ERMP1: variants seen among roughly 807,000 people sequenced by gnomAD.
ERMP1 encodes the protein Felix-ina.
A neutral mutation model predicts 92.0 loss-of-function variants in ERMP1; 86 were observed. The observed-to-expected ratio is 0.93, with a 90% CI of 0.79 to 1.12. The LOEUF is 1.12. Among genes scored for constraint, ERMP1 ranks in the 50% most tolerant of loss-of-function variants. The pLI is 0.00. For synonymous variants in ERMP1, 530 were observed against 412.8 expected, an observed-to-expected ratio of 1.28 and a Z score of -3.44; for missense variants, 1,342 against 1,116.3, an observed-to-expected ratio of 1.20 and a Z score of -2.88.
At chr9:5,795,952 C>T (rs1268260887) in intron 13 of ERMP1, among the ~76,000 whole-genome samples, 1 of 152,024 alleles carries the variant, frequency 6.6e-6, no homozygotes, top group Non-Finnish European at 1.5e-5. Flanking sequence ...TGAACAATAC[C>T]ATTTATTAAT....
At chr9:5,791,643 G>A (rs991993361) in intron 13 of ERMP1, among the ~76,000 whole-genome samples, 1 of 151,508 alleles carries the variant, frequency 6.6e-6, no homozygotes. Context: ...ACTCTTTACA[G>A]CTTTTGAAGA....
intron 6 of ERMP1, among the ~76,000 whole-genome samples, chr9:5,845,929 G>GGA (rs1830228979): frequency 6.6e-6 from 1 of 152,188 alleles, no homozygotes. Context: ...TTTGGGTCAG[G>GGA]GAGAAGGGCA....
At chr9:5,803,423 G>C (rs563861561) in intron 10 of ERMP1, among the ~76,000 whole-genome samples, 1 of 152,284 alleles carries the variant, frequency 6.6e-6, no homozygotes, top group East Asian at 1.9e-4. Context: ...TGGTTTCCAA[G>C]ATTTCCATGC....
At chr9:5,819,077 A>C (rs956473029) in intron 4 of ERMP1, among the ~76,000 whole-genome samples, 2 of 152,230 alleles carry the variant, frequency 1.3e-5, no homozygotes, top group Admixed American at 6.5e-5. Flanking sequence ...TAGGTATCTA[A>C]AAGAAATGAA....
At chr9:5,826,039 G>GC in intron 2 of ERMP1, among the ~76,000 whole-genome samples, 1 of 152,270 alleles carries the variant, frequency 6.6e-6, no homozygotes, top group South Asian at 2.1e-4. Flanking sequence ...GCCCTTATCT[G>GC]CCAGCAACAC....
At chr9:5,802,008 C>T (rs543840868) in intron 10 of ERMP1, among the ~76,000 whole-genome samples, 8 of 152,314 alleles carry the variant, frequency 5.3e-5, no homozygotes, top group South Asian at 2.1e-4. Flanking sequence ...AGGACACACA[C>T]GACTCACAGA....
chr9:5,796,828 C>G (rs1828443122), intron 13 of ERMP1, among the ~76,000 whole-genome samples: 1 of 152,022 alleles, frequency 6.6e-6, no homozygotes, highest in African/African-American at 2.4e-5. Context: ...TTTTTCAATA[C>G]CCATAGAACT....
chr9:5,786,992 G>T lies in ERMP1; in HGVS notation c.*152C>A. ...TGCGCCACAGCTAAACCCTTATAGT[G>T]CTTGGCCCTGAAAAGCGTTAACCCA... is the stretch of plus-strand genomic sequence containing the variant. On this transcript the variant is annotated 3_prime_UTR_variant, in exon 15 of 15. Coordinates refer to ENST00000339450, the MANE Select transcript of ERMP1 (RefSeq NM_024896.3). 1 of 722,026 alleles carries T rather than the reference G, an allele frequency of 1.4e-6. No homozygotes were observed. Among genetic ancestry groups the T allele is most frequent in the Middle Eastern group, 4.2e-4 (1 of 2,370 alleles). 44.7% of individuals were successfully genotyped at this position (722,026 alleles called of 1,614,324 possible). A position where few individuals can be genotyped will look rare whatever the true frequency, so the allele number is the denominator to read the frequency against.
chr9:5,789,863 T>C (rs78970552), intron 13 of ERMP1, among the ~76,000 whole-genome samples: 258 of 151,596 alleles, frequency 1.7e-3, no homozygotes, highest in Non-Finnish European at 2.9e-3. Flanking sequence ...TTTTTTTTTT[T>C]GGTAGAGATG....
intron 13 of ERMP1, among the ~76,000 whole-genome samples, chr9:5,788,945 AAC>A (rs1828056352): frequency 6.6e-6 from 1 of 152,202 alleles, no homozygotes; most frequent in Non-Finnish European, 1.5e-5. Flanking sequence ...AAAATTTAAT[AAC>A]AGTCATAAAG....
chr9:5,802,447 C>T (rs1167471239), intron 10 of ERMP1, among the ~76,000 whole-genome samples: 1 of 152,142 alleles, frequency 6.6e-6, no homozygotes, highest in Non-Finnish European at 1.5e-5. Flanking sequence ...TGCAGAGGCA[C>T]GATCTCAGCT....
At position 5,830,724 on chromosome 9, in the gene ERMP1, T is replaced by C. The variant is rs1829906488; in HGVS notation, c.640+3A>G. On this transcript the variant is annotated splice_donor_region_variant and intron_variant, in intron 2 of 14. Transcript: ENST00000339450. Reference sequence around the variant, plus strand: ...TCCAAATGACTAAAAAACAGGTACATACCTGGTGAGTTTGCTACTGAGTCA... The same window carrying C: ...TCCAAATGACTAAAAAACAGGTACACACCTGGTGAGTTTGCTACTGAGTCA... 1.2e-6 allele frequency: 2 copies of C among 1,609,014 alleles called. No homozygotes were observed. The highest frequency in any genetic ancestry group is 2.7e-5 in the African/African-American group (2 of 74,776).
At chr9:5,812,554 A>G (rs529213803) in intron 5 of ERMP1, among the ~76,000 whole-genome samples, 3 of 152,322 alleles carry the variant, frequency 2.0e-5, no homozygotes, top group South Asian at 4.1e-4. Flanking sequence ...TTAACTTCAA[A>G]TAAGTTGTAC....
chr9:5,842,334 G>A lies in ERMP1; in HGVS notation n.3200-9022C>T, dbSNP rs1164378129. Among the ~76,000 whole-genome samples, 4 of 149,436 alleles carry A rather than the reference G, an allele frequency of 2.7e-5. No homozygotes were observed. The East Asian group carries it at 6.0e-4, about 22-fold the overall frequency. ...TGGTGTGTTTACAATCCTTTAGCTA[G>A]ACAGAGAAGTTCTCCAAGTCCCCAC... On this transcript the variant is annotated intron_variant and non_coding_transcript_variant, in intron 6 of 6. Coordinates refer to the ERMP1 transcript ENST00000690753.
chr9:5,817,620 T>G (rs1301941467), intron 4 of ERMP1, among the ~76,000 whole-genome samples: 2 of 152,246 alleles, frequency 1.3e-5, no homozygotes, highest in Non-Finnish European at 2.9e-5. Flanking sequence ...ATCATCTAAA[T>G]CCTATGATGC....
chr9:5,837,589 G>A (rs1300872915), upstream of ERMP1, among the ~76,000 whole-genome samples: 1 of 152,114 alleles, frequency 6.6e-6, no homozygotes, highest in Non-Finnish European at 1.5e-5. Context: ...AATGACAAAT[G>A]GAGGACATGA....
chr9:5,791,060 C>T (rs987419913), intron 13 of ERMP1, among the ~76,000 whole-genome samples: 5 of 152,096 alleles, frequency 3.3e-5, no homozygotes, highest in African/African-American at 1.2e-4. Flanking sequence ...TCCCAGACAA[C>T]TTTCTATCAG....
chr9:5,843,701 C>T (rs1830197118), intron 6 of ERMP1, among the ~76,000 whole-genome samples: 1 of 152,190 alleles, frequency 6.6e-6, no homozygotes, highest in African/African-American at 2.4e-5. Context: ...TAGCAGAACG[C>T]TTTCTGAAGT....
chr9:5,836,564 C>G (rs73390192), upstream of ERMP1, among the ~76,000 whole-genome samples: 734 of 152,330 alleles, frequency 4.8e-3, 8 homozygotes, highest in African/African-American at 0.017. Context: ...TCTGTGCTCA[C>G]TGAGGTGGTA....
Sources: allele counts gnomAD v4.1 joint callset (sites outside exome capture counted in the v4.1 genomes callset), GRCh38; gene constraint gnomAD v4.1.1; transcripts MANE v1.5; gene names NCBI Gene and HGNC (gene_info 2026-07-23, HGNC 2026-07-21).